Variants in SEMA3A observed in about 807,000 individuals in gnomAD.
The protein encoded by SEMA3A is semaphorin 3A, also known as semaphorin-3A.
SEMA3A carries 29 observed loss-of-function variants against 97.9 expected under a neutral mutation model. The observed-to-expected ratio is 0.30, with a 90% CI of 0.22 to 0.40. The LOEUF (loss-of-function observed/expected upper bound fraction) is 0.40. Ranked by LOEUF, SEMA3A falls within the 10% of genes least tolerant of loss-of-function variation. The pLI, the probability that SEMA3A is intolerant of heterozygous loss-of-function variation, is 1.00. For synonymous variants in SEMA3A, 321 were observed against 323.7 expected, an observed-to-expected ratio of 0.99 and a Z score of 0.09; for missense variants, 763 against 951.3, an observed-to-expected ratio of 0.80 and a Z score of 2.60.
rs1803728846 is a variant in SEMA3A at position 84,396,257 on chromosome 7, AT to A, written c.-245-24358del. On this transcript the variant is annotated intron_variant, in intron 1 of 3. Transcript: ENST00000424555. Reference sequence around the variant, plus strand: ...ACAGAATAAATGTAAAACAGTCAACATTTTATCCTGGAAAAAGATCAAGAAA... The same window carrying A: ...ACAGAATAAATGTAAAACAGTCAACATTTATCCTGGAAAAAGATCAAGAAA... 2.0e-5 allele frequency among the ~76,000 whole-genome samples: 3 copies of A among 152,042 alleles called. No individual in the cohort carries two copies. The South Asian group carries it at 6.2e-4, about 31-fold the overall frequency.
At chr7:84,488,317 T>TACAC (rs67659986) in intron 1 of SEMA3A, among the ~76,000 whole-genome samples, 10,919 of 145,676 alleles carry the variant, frequency 0.075, 393 homozygotes, top group East Asian at 0.12. Flanking sequence ...TCTTCGTATA[T>TACAC]ACACACACAC....
intron 2 of SEMA3A, among the ~76,000 whole-genome samples, chr7:84,335,488 A>T (rs556945684): frequency 6.6e-6 from 1 of 152,270 alleles, no homozygotes; most frequent in African/African-American, 2.4e-5. Context: ...GGAGCAAGAG[A>T]GAGATCTATC....
At chr7:84,054,019 T>C (rs1417199673) in intron 5 of SEMA3A, among the ~76,000 whole-genome samples, 1 of 151,788 alleles carries the variant, frequency 6.6e-6, no homozygotes, top group African/African-American at 2.4e-5. Flanking sequence ...ATTCTTTTCT[T>C]TAAGAATGTT....
intron 9 of SEMA3A, among the ~76,000 whole-genome samples, chr7:84,010,463 C>T (rs1002202555): frequency 2.0e-5 from 3 of 152,048 alleles, no homozygotes; most frequent in Non-Finnish European, 4.4e-5. Context: ...CTGGGAAGAA[C>T]CATGGACTGT....
chr7:84,445,493 C>CAAAAAAAAAAAAAAAAAAAAAAAAAA (rs61298477), intron 1 of SEMA3A, among the ~76,000 whole-genome samples: 7 of 27,556 alleles, frequency 2.5e-4, no homozygotes, highest in East Asian at 8.3e-4. Flanking sequence ...GACTCCATCT[C>CAAAAAAAAAAAAAAAAAAAAAAAAAA]AAAAAAAAAA....
intron 1 of SEMA3A, among the ~76,000 whole-genome samples, chr7:84,137,774 G>A (rs1050503754): frequency 7.4e-5 from 11 of 149,306 alleles, no homozygotes; most frequent in Non-Finnish European, 1.6e-4. Flanking sequence ...GGCCATGTAA[G>A]AGGTACAAGA....
Position 84,331,041 on chromosome 7 carries a change from C to T in SEMA3A, c.-168-23749G>A, listed in dbSNP as rs562006315. Reference sequence around the variant, plus strand: ...TATCCTAGGTTTTATATTTGAATGTCATGACCTATGTAGAAATGTACTGAA... The same window carrying T: ...TATCCTAGGTTTTATATTTGAATGTTATGACCTATGTAGAAATGTACTGAA... On this transcript the variant is annotated intron_variant, in intron 2 of 3. Coordinates refer to the SEMA3A transcript ENST00000424555. Among the ~76,000 whole-genome samples the T allele has an allele frequency of 1.4e-4, 21 of 152,240 alleles. No homozygotes were observed. The South Asian group carries it at 3.9e-3, about 29-fold the overall frequency.
chr7:84,079,839 C>A (rs1228287361), intron 4 of SEMA3A, among the ~76,000 whole-genome samples: 5 of 141,206 alleles, frequency 3.5e-5, no homozygotes, highest in Non-Finnish European at 7.5e-5. Flanking sequence ...TTGACCCAGC[C>A]ATCCCATTAC....
chr7:83,977,094 TG>T, intron 15 of SEMA3A, 37 bp downstream of exon 15: 2 of 1,286,324 alleles, frequency 1.6e-6, no homozygotes, highest in Non-Finnish European at 2.2e-6. Context: ...GATTTTAGCC[TG>T]GTCTTAGCAG....
At chr7:84,089,620 G>A (rs1235453067) in intron 4 of SEMA3A, among the ~76,000 whole-genome samples, 1 of 151,866 alleles carries the variant, frequency 6.6e-6, no homozygotes, top group African/African-American at 2.4e-5. Flanking sequence ...AAAAAATATA[G>A]TCATTCCTTC....
At chr7:84,202,765 A>C (rs1406219819) in intron 3 of SEMA3A, among the ~76,000 whole-genome samples, 1 of 152,224 alleles carries the variant, frequency 6.6e-6, no homozygotes, top group Non-Finnish European at 1.5e-5. Context: ...GTGACTTACA[A>C]AACTAATCAC....
At chr7:84,349,493 G>C (rs573358831) in intron 2 of SEMA3A, among the ~76,000 whole-genome samples, 1 of 152,154 alleles carries the variant, frequency 6.6e-6, no homozygotes, top group Non-Finnish European at 1.5e-5. Context: ...TGTGCTAAAG[G>C]TAATGTGGGG....
At chr7:84,384,480 C>A (rs1193996774) in intron 1 of SEMA3A, among the ~76,000 whole-genome samples, 3 of 152,056 alleles carry the variant, frequency 2.0e-5, no homozygotes, top group Non-Finnish European at 4.4e-5. Flanking sequence ...GTATGTTAGT[C>A]AGGAAAGGTT....
intron 4 of SEMA3A, among the ~76,000 whole-genome samples, chr7:84,091,100 GAGAAAGAA>G (rs774845420): frequency 3.1e-5 from 3 of 95,352 alleles, no homozygotes; most frequent in Admixed American, 1.3e-4. Flanking sequence ...AGGAAAGAAA[GAGAAAGAA>G]AGAAAGAAAG....
intron 1 of SEMA3A, among the ~76,000 whole-genome samples, chr7:84,385,991 GTC>G (rs1235301826): frequency 6.6e-6 from 1 of 152,102 alleles, no homozygotes; most frequent in African/African-American, 2.4e-5. Context: ...TTAAACCAAA[GTC>G]ACATATTTGT....
chr7:84,201,061 A>C (rs1798343355), intron 3 of SEMA3A, among the ~76,000 whole-genome samples: 1 of 152,118 alleles, frequency 6.6e-6, no homozygotes, highest in African/African-American at 2.4e-5. Context: ...AAGTCGGTCT[A>C]CACTAAATAA....
intron 14 of SEMA3A, among the ~76,000 whole-genome samples, chr7:83,980,639 T>TATATATATAC (rs376148779): frequency 2.0e-4 from 18 of 88,456 alleles, no homozygotes; most frequent in African/African-American, 8.2e-4. Flanking sequence ...TATATATATA[T>TATATATATAC]ACACACACAC....
chr7:84,186,537 A>G (rs1412640349), intron 1 of SEMA3A, among the ~76,000 whole-genome samples: 2 of 152,308 alleles, frequency 1.3e-5, no homozygotes, highest in East Asian at 3.9e-4. Flanking sequence ...ATGAAGATTC[A>G]TAAGCACTTT....
At position 84,224,959 on chromosome 7, in the gene SEMA3A, C is replaced by T. The variant is rs1003304504; in HGVS notation, c.-82-30291G>A. 1.3e-5 allele frequency among the ~76,000 whole-genome samples: 2 copies of T among 151,886 alleles called. 1 individual carries two copies. Among genetic ancestry groups the T allele is most frequent in the Admixed American group, 1.3e-4 (2 of 15,200 alleles). The stretch of plus-strand genomic sequence containing the variant: ...TAAGATGATCCTGCTTTATAGCCCC[C>T]CCTAGTATATGTAATGGAACTCTAT... On this transcript the variant is annotated intron_variant, in intron 3 of 3. Transcript: ENST00000424555.
Sources: gnomAD v4.1 joint callset for allele counts (sites outside exome capture counted in the v4.1 genomes callset) on GRCh38, gnomAD v4.1.1 for gene constraint, MANE v1.5 for transcripts, NCBI Gene and HGNC (gene_info 2026-07-23, HGNC 2026-07-21) for gene names.